Variants in PSD3 observed in about 807,000 individuals in gnomAD.
The protein encoded by PSD3 is PH and SEC7 domain-containing protein 3.
In PSD3, 49 loss-of-function variants were observed where a neutral mutation model predicts 105.5. The observed-to-expected ratio is 0.46, with a 90% confidence interval of 0.37 to 0.59. The LOEUF (loss-of-function observed/expected upper bound fraction) is 0.59, where lower values mean the gene tolerates loss of function less well. Ranked by LOEUF, PSD3 falls within the 20% of genes least tolerant of loss-of-function variation. The pLI, the probability that PSD3 is intolerant of heterozygous loss-of-function variation, is 0.00. For missense variants in PSD3, 1,561 were observed against 1,263.8 expected, an observed-to-expected ratio of 1.24 and a Z score of -3.57; for synonymous variants, 557 against 457.8, an observed-to-expected ratio of 1.22 and a Z score of -2.77.
At position 18,567,856 on chromosome 8, in the gene PSD3, T is replaced by C. The variant is rs571826845; in HGVS notation, c.2784+4672A>G. 1.4e-4 allele frequency among the ~76,000 whole-genome samples: 22 copies of C among 152,348 alleles called. No homozygotes were observed. In the East Asian group the frequency reaches 4.2e-3, roughly 29 times the overall value. ...CTTGTCCCCTCCGAATCTCATGTTG[T>C]AATGTGATCCCCAATGTTGGAGGTG... On this transcript the variant is annotated intron_variant, in intron 14 of 15. Coordinates refer to ENST00000327040, the MANE Select transcript of PSD3 (RefSeq NM_015310.4).
At chr8:18,586,076 G>C (rs987182411) in intron 12 of PSD3, among the ~76,000 whole-genome samples, 2 of 152,086 alleles carry the variant, frequency 1.3e-5, no homozygotes, top group Non-Finnish European at 2.9e-5. Context: ...TGCCGACACT[G>C]TGCCCATGTG....
At chr8:18,663,698 G>A (rs1258665950) in intron 9 of PSD3, among the ~76,000 whole-genome samples, 1 of 152,136 alleles carries the variant, frequency 6.6e-6, no homozygotes, top group Non-Finnish European at 1.5e-5. Context: ...TATTCTAAAT[G>A]TAAACAAAAC....
At chr8:18,560,501 T>C (rs899341555) in intron 14 of PSD3, among the ~76,000 whole-genome samples, 10 of 152,088 alleles carry the variant, frequency 6.6e-5, no homozygotes, top group African/African-American at 2.2e-4. Flanking sequence ...GGCATGGAGA[T>C]AGAAAATACC....
intron 9 of PSD3, among the ~76,000 whole-genome samples, chr8:18,677,389 C>T (rs1306978638): frequency 6.6e-6 from 1 of 151,992 alleles, no homozygotes; most frequent in Non-Finnish European, 1.5e-5. Flanking sequence ...ACCAGCCTGG[C>T]CAACATGGCA....
chr8:18,702,012 A>T (rs959328809), intron 9 of PSD3, among the ~76,000 whole-genome samples: 6 of 152,042 alleles, frequency 3.9e-5, no homozygotes, highest in African/African-American at 1.4e-4. Context: ...CAAAAACAAA[A>T]CCCCTTTAAG....
At chr8:18,775,611 G>C (rs1050616542) in intron 8 of PSD3, among the ~76,000 whole-genome samples, 4 of 152,082 alleles carry the variant, frequency 2.6e-5, no homozygotes, top group Non-Finnish European at 5.9e-5. Flanking sequence ...TCATGTATCT[G>C]TTGGCCATTT....
intron 9 of PSD3, among the ~76,000 whole-genome samples, chr8:18,737,449 C>T (rs1186073420): frequency 3.3e-5 from 5 of 152,048 alleles, no homozygotes; most frequent in African/African-American, 7.2e-5. Context: ...CTCAGCCTCC[C>T]GAGAGGTGGG....
intron 1 of PSD3, among the ~76,000 whole-genome samples, chr8:18,996,253 G>T (rs1157546682): frequency 2.0e-5 from 3 of 151,876 alleles, no homozygotes; most frequent in Non-Finnish European, 4.4e-5. Context: ...ATGCTTAATG[G>T]ACGGTGGGGA....
Position 18,528,290 on chromosome 8 carries a change from G to C in PSD3, c.*7453C>G, listed in dbSNP as rs908854755. ...CCCTTCCCCTAGAAAGGAAACGTTA[G>C]CCATTTCCAGGAATCTGGGTGTGGA... On this transcript the variant is annotated 3_prime_UTR_variant, in exon 16 of 16. Coordinates refer to ENST00000327040, the MANE Select transcript of PSD3 (RefSeq NM_015310.4). 6.6e-6 allele frequency: 1 copy of C among 152,196 alleles called. No homozygotes were observed. Among genetic ancestry groups the C allele is most frequent in the African/African-American group, 2.4e-5 (1 of 41,436 alleles). 9.4% of individuals were successfully genotyped at this position (152,196 alleles called of 1,614,324 possible).
At chr8:18,912,449 T>C (rs555409031) in intron 2 of PSD3, among the ~76,000 whole-genome samples, 4 of 149,802 alleles carry the variant, frequency 2.7e-5, no homozygotes, top group African/African-American at 9.7e-5. Flanking sequence ...ACTTTTGTAC[T>C]TAAATTTCTT....
At chr8:18,890,310 C>G (rs954144503) in intron 2 of PSD3, among the ~76,000 whole-genome samples, 2 of 151,976 alleles carry the variant, frequency 1.3e-5, no homozygotes, top group Admixed American at 6.6e-5. Context: ...AAATTCAATG[C>G]CAATTTAAGG....
intron 15 of PSD3, among the ~76,000 whole-genome samples, chr8:18,539,007 A>C (rs1372440447): frequency 1.3e-5 from 2 of 152,154 alleles, no homozygotes; most frequent in Non-Finnish European, 2.9e-5. Flanking sequence ...CCCATTTCTG[A>C]CTTAAAAAAG....
At chr8:18,671,800 T>G (rs1799799670) in intron 9 of PSD3, among the ~76,000 whole-genome samples, 1 of 152,048 alleles carries the variant, frequency 6.6e-6, no homozygotes, top group Non-Finnish European at 1.5e-5. Flanking sequence ...TCCGGCTAAT[T>G]TTTTGTATTT....
intron 1 of PSD3, among the ~76,000 whole-genome samples, chr8:19,032,862 AAT>A (rs982429656): frequency 1.3e-5 from 2 of 152,184 alleles, no homozygotes; most frequent in Non-Finnish European, 1.5e-5. Flanking sequence ...ATTATTGTTA[AAT>A]AACTTCTGAA....
At chr8:19,080,138 C>G (rs1563549973) in intron 1 of PSD3, among the ~76,000 whole-genome samples, 1 of 152,192 alleles carries the variant, frequency 6.6e-6, no homozygotes, top group Non-Finnish European at 1.5e-5. Flanking sequence ...ATTTGCCAGC[C>G]TCAGCCTCCC....
chr8:19,037,409 A>G lies in PSD3; in HGVS notation c.324+46797T>C, dbSNP rs575765448. ...TCAAATGATAGATCCGTGGCAACTTACAGGGGCTTTCCTATGGTTACTGGA... is the reference window on the plus strand; with the variant it reads ...TCAAATGATAGATCCGTGGCAACTTGCAGGGGCTTTCCTATGGTTACTGGA... On this transcript the variant is annotated intron_variant, in intron 1 of 1. Coordinates refer to the PSD3 transcript ENST00000521475. Among the ~76,000 whole-genome samples the G allele has an allele frequency of 2.0e-5, 3 of 152,360 alleles. No individual in the cohort carries two copies. In the East Asian group the frequency reaches 5.8e-4, roughly 29 times the overall value.
chr8:18,749,511 T>C, intron 9 of PSD3, among the ~76,000 whole-genome samples: 1 of 152,344 alleles, frequency 6.6e-6, no homozygotes, highest in South Asian at 2.1e-4. Flanking sequence ...CAAATGTTCA[T>C]CTAGCCACTG....
intron 4 of PSD3, among the ~76,000 whole-genome samples, chr8:18,866,169 A>G (rs950138477): frequency 2.6e-5 from 4 of 152,182 alleles, no homozygotes; most frequent in African/African-American, 9.7e-5. Context: ...CCTTTCCTAC[A>G]GCGTTTTATC....
At chr8:18,764,989 T>A (rs1806853551) in intron 9 of PSD3, among the ~76,000 whole-genome samples, 1 of 152,208 alleles carries the variant, frequency 6.6e-6, no homozygotes, top group South Asian at 2.1e-4. Context: ...TGCAAATAAT[T>A]CAGGCATTCT....
Sources: allele counts gnomAD v4.1 joint callset (sites outside exome capture counted in the v4.1 genomes callset), GRCh38; gene constraint gnomAD v4.1.1; transcripts MANE v1.5; gene names NCBI Gene and HGNC (gene_info 2026-07-23, HGNC 2026-07-21).